The following PRKN variants were observed in gnomAD, a reference collection of about 807,000 sequenced individuals.
PRKN encodes the protein parkin RBR E3 ubiquitin protein ligase, also known as E3 ubiquitin-protein ligase parkin.
A neutral mutation model predicts 59.5 loss-of-function variants in PRKN; 56 were observed. That is an observed-to-expected ratio of 0.94 (90% CI 0.76 to 1.18). The LOEUF (loss-of-function observed/expected upper bound fraction) is 1.18, where lower values mean the gene tolerates loss of function less well. PRKN is among the 50% of genes most tolerant of loss of function. The pLI, the probability that PRKN is intolerant of heterozygous loss-of-function variation, is 0.00. For synonymous variants in PRKN, 250 were observed against 222.1 expected, an observed-to-expected ratio of 1.13 and a Z score of -1.12; for missense variants, 657 against 596.4, an observed-to-expected ratio of 1.10 and a Z score of -1.06.
intron 7 of PRKN, among the ~76,000 whole-genome samples, chr6:161,583,286 C>G (rs1781410173): frequency 6.6e-6 from 1 of 152,014 alleles, no homozygotes; most frequent in South Asian, 2.1e-4. Flanking sequence ...GCAGTTAGGA[C>G]AAATGGTGTT....
intron 4 of PRKN, among the ~76,000 whole-genome samples, chr6:162,170,879 C>T (rs1248583650): frequency 6.6e-6 from 1 of 152,006 alleles, no homozygotes; most frequent in East Asian, 1.9e-4. Context: ...AAATTTACCA[C>T]AAAGTTCATA....
intron 5 of PRKN, among the ~76,000 whole-genome samples, chr6:161,982,034 A>G (rs1369590192): frequency 6.6e-6 from 1 of 152,232 alleles, no homozygotes; most frequent in East Asian, 1.9e-4. Flanking sequence ...AGTCTAACTT[A>G]AAACAAAAGT....
chr6:162,191,813 T>C (rs1180882536), intron 4 of PRKN, among the ~76,000 whole-genome samples: 1 of 152,160 alleles, frequency 6.6e-6, no homozygotes, highest in Non-Finnish European at 1.5e-5. Flanking sequence ...GCACACAGAA[T>C]TGATGCCTTG....
chr6:162,289,687 C>CAA (rs376838845), intron 2 of PRKN, among the ~76,000 whole-genome samples: 29,452 of 141,634 alleles, frequency 0.21, 3,940 homozygotes, highest in East Asian at 0.58. Flanking sequence ...GACACTGTCT[C>CAA]AAAAAAAAAA....
At chr6:162,295,567 T>C (rs570132428) in intron 2 of PRKN, among the ~76,000 whole-genome samples, 34 of 152,130 alleles carry the variant, frequency 2.2e-4, no homozygotes, top group Non-Finnish European at 3.2e-4. Flanking sequence ...ACTAATGCCA[T>C]TAACTAATTG....
intron 2 of PRKN, among the ~76,000 whole-genome samples, chr6:162,353,042 T>C (rs1583427505): frequency 6.6e-6 from 1 of 152,162 alleles, no homozygotes; most frequent in African/African-American, 2.4e-5. Flanking sequence ...TCTTTACTAG[T>C]ATGTTGAATG....
chr6:162,236,048 A>G (rs565535147), intron 3 of PRKN, among the ~76,000 whole-genome samples: 8 of 152,164 alleles, frequency 5.3e-5, no homozygotes, highest in African/African-American at 1.7e-4. Context: ...AGTGTGATCA[A>G]AAACAGCTTA....
At chr6:162,153,720 C>T (rs991739049) in intron 4 of PRKN, among the ~76,000 whole-genome samples, 2 of 152,058 alleles carry the variant, frequency 1.3e-5, no homozygotes, top group Non-Finnish European at 2.9e-5. Flanking sequence ...AGGTCACTGT[C>T]CCCCGAAGTC....
chr6:162,727,594 C>T (rs1278412153), intron 1 of PRKN, 68 bp downstream of exon 1: 2 of 1,503,650 alleles, frequency 1.3e-6, no homozygotes, highest in South Asian at 1.2e-5. Flanking sequence ...TCGGCCGAGG[C>T]GGGGCGTGGC....
rs1242980572 is a variant in PRKN, at chr6:161,874,265, A to C, written c.735-88357T>G. On this transcript the variant is annotated intron_variant, in intron 6 of 11. Transcript: ENST00000366898. ...AATATATAATATATATTATATGTAA[A>C]ATATATAATATATATTATATATTAT... Among the ~76,000 whole-genome samples the C allele has an allele frequency of 1.6e-3, 11 of 6,710 alleles. 2 individuals carry two copies. The highest frequency in any genetic ancestry group is 3.0e-3 in the Non-Finnish European group (8 of 2,626). The allele number at this position is 6,710 out of a possible 152,430, so 4.4% of individuals were successfully genotyped here.
chr6:162,575,991 G>T (rs1156463196), intron 1 of PRKN, among the ~76,000 whole-genome samples: 1 of 152,092 alleles, frequency 6.6e-6, no homozygotes, highest in African/African-American at 2.4e-5. Context: ...TCTTCCCTTG[G>T]AAAAATCCTA....
intron 1 of PRKN, among the ~76,000 whole-genome samples, chr6:162,650,106 G>C (rs1778361469): frequency 6.6e-6 from 1 of 152,056 alleles, no homozygotes; most frequent in African/African-American, 2.4e-5. Context: ...CCTTTAAAAA[G>C]TTTCATATTC....
chr6:162,487,364 G>A (rs945152795), intron 1 of PRKN, among the ~76,000 whole-genome samples: 5 of 152,150 alleles, frequency 3.3e-5, no homozygotes, highest in Non-Finnish European at 5.9e-5. Flanking sequence ...CCTTGAGAAG[G>A]AAGGCCAAGT....
At chr6:162,390,326 G>A (rs996566825) in intron 2 of PRKN, among the ~76,000 whole-genome samples, 5 of 147,252 alleles carry the variant, frequency 3.4e-5, no homozygotes, top group Non-Finnish European at 5.9e-5. Flanking sequence ...TCTTTCCAAT[G>A]ATTCTGACTT....
At chr6:161,828,957 C>T (rs150958341) in intron 6 of PRKN, among the ~76,000 whole-genome samples, 1,967 of 151,170 alleles carry the variant, frequency 0.013, 22 homozygotes, top group Middle Eastern at 0.034. Context: ...CCGGTTGCGA[C>T]GGCTCACACC....
At chr6:162,097,216 A>AT (rs1054085874) in intron 4 of PRKN, among the ~76,000 whole-genome samples, 57 of 152,090 alleles carry the variant, frequency 3.7e-4, no homozygotes, top group South Asian at 1.0e-3. Flanking sequence ...GTATAGTATG[A>AT]TTTTTTTTAG....
At chr6:162,401,661 G>T (rs966138940) in intron 2 of PRKN, among the ~76,000 whole-genome samples, 1 of 152,056 alleles carries the variant, frequency 6.6e-6, no homozygotes, top group Admixed American at 6.6e-5. Flanking sequence ...ACCATCATAA[G>T]TTGAGCATCA....
intron 2 of PRKN, among the ~76,000 whole-genome samples, chr6:162,386,034 T>G (rs538297607): frequency 6.6e-6 from 1 of 152,130 alleles, no homozygotes; most frequent in African/African-American, 2.4e-5. Context: ...GTATTTTGAT[T>G]TTTTTTAAAA....
At chr6:161,382,356 C>A (rs1044614858) in intron 10 of PRKN, among the ~76,000 whole-genome samples, 3 of 151,312 alleles carry the variant, frequency 2.0e-5, no homozygotes, top group African/African-American at 7.3e-5. Flanking sequence ...TGGGCACATT[C>A]CCCTCAGACA....
Sources: gnomAD v4.1 joint callset for allele counts (sites outside exome capture counted in the v4.1 genomes callset) on GRCh38, gnomAD v4.1.1 for gene constraint, MANE v1.5 for transcripts, NCBI Gene and HGNC (gene_info 2026-07-23, HGNC 2026-07-21) for gene names.